The following JPH3 variants were observed in gnomAD, a reference collection of about 807,000 sequenced individuals.
The protein encoded by JPH3 is junctophilin-3.
A neutral mutation model predicts 59.6 loss-of-function variants in JPH3; 11 were observed. The ratio of observed to expected loss-of-function variants is 0.18; its 90% CI spans 0.12 to 0.31. The LOEUF (loss-of-function observed/expected upper bound fraction) is 0.31. Among genes scored for constraint, JPH3 ranks in the 10% least tolerant of loss-of-function variants. JPH3 has a pLI of 1.00. For synonymous variants in JPH3, 673 were observed against 483.6 expected, an observed-to-expected ratio of 1.39 and a Z score of -5.14; for missense variants, 1,202 against 1,105.7, an observed-to-expected ratio of 1.09 and a Z score of -1.24.
chr16:87,644,145 A>G, intron 1 of JPH3, 113 bp from the exon 2 acceptor site: 1 of 1,187,626 alleles, frequency 8.4e-7, no homozygotes, highest in Non-Finnish European at 1.2e-6. Context: ...CTCAAAAAAC[A>G]CAAAACAACA....
At chr16:87,625,638 G>A (rs1271930734) in intron 1 of JPH3, among the ~76,000 whole-genome samples, 7 of 152,194 alleles carry the variant, frequency 4.6e-5, no homozygotes, top group Non-Finnish European at 8.8e-5. Context: ...GGAGACGTGA[G>A]GATCTAACAG....
intron 2 of JPH3, among the ~76,000 whole-genome samples, chr16:87,670,727 G>A (rs1439820717): frequency 2.0e-5 from 3 of 152,258 alleles, no homozygotes; most frequent in Non-Finnish European, 4.4e-5. Context: ...GTACATTGAT[G>A]TGTCACTTCA....
At chr16:87,658,620 G>C (rs570151950) in intron 2 of JPH3, among the ~76,000 whole-genome samples, 1 of 152,140 alleles carries the variant, frequency 6.6e-6, no homozygotes, top group Non-Finnish European at 1.5e-5. Context: ...GCATGATGTC[G>C]TGGAGGGCAG....
chr16:87,658,430 A>G (rs1055436876), intron 2 of JPH3, among the ~76,000 whole-genome samples: 2 of 118,500 alleles, frequency 1.7e-5, no homozygotes, highest in East Asian at 4.6e-4. Flanking sequence ...TTTCCTCTCT[A>G]TCTCCCTATC....
intron 1 of JPH3, among the ~76,000 whole-genome samples, chr16:87,621,709 C>A (rs778853786): frequency 6.6e-6 from 1 of 152,190 alleles, no homozygotes; most frequent in East Asian, 1.9e-4. Context: ...GACACTCCCC[C>A]AGGAACCACG....
intron 2 of JPH3, among the ~76,000 whole-genome samples, chr16:87,669,033 C>T (rs2032948258): frequency 6.6e-6 from 1 of 152,184 alleles, no homozygotes; most frequent in Non-Finnish European, 1.5e-5. Flanking sequence ...GCCCTTGGAG[C>T]ACTGAGAATT....
intron 1 of JPH3, among the ~76,000 whole-genome samples, chr16:87,638,409 G>C (rs2031829077): frequency 1.3e-5 from 2 of 152,192 alleles, no homozygotes; most frequent in South Asian, 4.1e-4. Flanking sequence ...TGGGGGTGCT[G>C]TTCATGGCCG....
chr16:87,690,472 G>T lies in JPH3; in HGVS notation c.2112G>T (p.Leu704Phe). The change falls in exon 4 of 5, where the codon TTG becomes TTT. Residue 704 changes from leucine to phenylalanine, a missense_variant. Coordinates refer to ENST00000284262, the MANE Select transcript of JPH3 (RefSeq NM_020655.4). ...DLTFSPPQKS[L>F]PVALESDEEN... is the part of the protein sequence containing the mutation. ...CCTTCTCCCCGCCCCAGAAATCCTT[G>T]CCTGTCGCTCTAGAGTCCGACGAGG... 6.7e-7 allele frequency: 1 copy of T among 1,487,884 alleles called. No individual in the cohort carries two copies. Among genetic ancestry groups the T allele is most frequent in the Non-Finnish European group, 8.9e-7 (1 of 1,120,642 alleles). 92.2% of individuals were successfully genotyped at this position (1,487,884 alleles called of 1,614,324 possible).
At chr16:87,642,450 G>A (rs1046299388) in intron 1 of JPH3, among the ~76,000 whole-genome samples, 1 of 152,216 alleles carries the variant, frequency 6.6e-6, no homozygotes, top group African/African-American at 2.4e-5. Context: ...GAATTTTTAT[G>A]TCAAATCTCT....
chr16:87,689,343 C>T (rs970477355), intron 3 of JPH3, among the ~76,000 whole-genome samples: 1 of 152,170 alleles, frequency 6.6e-6, no homozygotes, highest in Non-Finnish European at 1.5e-5. Context: ...ACCCCAGCGT[C>T]CTCACGCACT....
chr16:87,660,924 A>G (rs375032018), intron 2 of JPH3, among the ~76,000 whole-genome samples: 2 of 152,228 alleles, frequency 1.3e-5, no homozygotes, highest in African/African-American at 2.4e-5. Flanking sequence ...TGGAATGACA[A>G]TGGTACAGGC....
chr16:87,631,119 C>G (rs1443486677), intron 1 of JPH3, among the ~76,000 whole-genome samples: 1 of 152,132 alleles, frequency 6.6e-6, no homozygotes, highest in Admixed American at 6.5e-5. Context: ...GCAAACCTGC[C>G]AGATTCAGTA....
Position 87,644,445 on chromosome 16 carries a change from C to T in JPH3, c.570C>T (p.Ala190=), listed in dbSNP as rs370408306. 213 of 1,612,292 alleles carry T rather than the reference C, an allele frequency of 1.3e-4. No homozygotes were observed. Among genetic ancestry groups the T allele is most frequent in the Middle Eastern group, 8.2e-4 (5 of 6,082 alleles). ...CTCCGGCGGTGGCCGGCAGCCCGGC[C>T]GTGTCCCGCGGGGGCTTCGTGCTCG... ...DASPAVAGSP[A]VSRGGFVLVA... Residue 190 remains alanine (A), a synonymous_variant, in exon 2 of 5, where the codon GCC becomes GCT. Transcript: ENST00000284262.
At chr16:87,671,955 G>C (rs180821555) in intron 2 of JPH3, among the ~76,000 whole-genome samples, 12 of 152,152 alleles carry the variant, frequency 7.9e-5, no homozygotes, top group African/African-American at 2.4e-4. Flanking sequence ...CTTCGTCTGT[G>C]GGGGGTGGCC....
chr16:87,618,822 C>T (rs2031068140), intron 1 of JPH3, among the ~76,000 whole-genome samples: 1 of 152,210 alleles, frequency 6.6e-6, no homozygotes, highest in Admixed American at 6.5e-5. Flanking sequence ...GGGCGCAGTG[C>T]TCACACCTGT....
intron 3 of JPH3, among the ~76,000 whole-genome samples, chr16:87,685,491 G>A (rs529666154): frequency 2.0e-4 from 30 of 152,362 alleles, no homozygotes; most frequent in African/African-American, 6.0e-4. Context: ...CCTCGCCCAC[G>A]ACCAGCTGCC....
At chr16:87,680,548 A>G (rs1367304486) in intron 2 of JPH3, among the ~76,000 whole-genome samples, 1 of 152,242 alleles carries the variant, frequency 6.6e-6, no homozygotes, top group East Asian at 1.9e-4. Context: ...GTTGCAAGAA[A>G]GGCGGGATCT....
intron 1 of JPH3, among the ~76,000 whole-genome samples, chr16:87,642,343 A>C (rs1458765896): frequency 6.6e-6 from 1 of 152,122 alleles, no homozygotes; most frequent in Non-Finnish European, 1.5e-5. Flanking sequence ...TGACTGGCAG[A>C]ACAGGAGCAG....
chr16:87,670,873 G>C (rs201804952), intron 2 of JPH3, among the ~76,000 whole-genome samples: 1 of 62,376 alleles, frequency 1.6e-5, no homozygotes, highest in African/African-American at 5.5e-5. Flanking sequence ...GGGGACGGGA[G>C]GGGGGTCAGG....
Sources: gnomAD v4.1 joint callset for allele counts (sites outside exome capture counted in the v4.1 genomes callset) on GRCh38, gnomAD v4.1.1 for gene constraint, MANE v1.5 for transcripts, NCBI Gene and HGNC (gene_info 2026-07-23, HGNC 2026-07-21) for gene names.